RAD51B: variants seen among roughly 807,000 people sequenced by gnomAD.
RAD51B encodes the protein RAD51 paralog B, also known as DNA repair protein RAD51 homolog 2.
Under a neutral mutation model 42.2 loss-of-function variants are expected in RAD51B, and 38 were observed. That is an observed-to-expected ratio of 0.90 (90% CI 0.70 to 1.18). RAD51B has a LOEUF of 1.18. Ranked by LOEUF, RAD51B falls within the 50% of genes most tolerant of loss-of-function variation. RAD51B has a pLI of 0.00. For synonymous variants in RAD51B, 154 were observed against 145.2 expected (o/e 1.06, Z -0.43); for missense variants, 373 against 400.7 (o/e 0.93, Z 0.59).
At chr14:68,626,159 C>T (rs777103705) in intron 10 of RAD51B, among the ~76,000 whole-genome samples, 1 of 152,330 alleles carries the variant, frequency 6.6e-6, no homozygotes, top group African/African-American at 2.4e-5. Context: ...TGTCCACCAT[C>T]GGGCTGAGGA....
chr14:67,888,008 G>A (rs1278985512), intron 7 of RAD51B, among the ~76,000 whole-genome samples: 2 of 152,066 alleles, frequency 1.3e-5, no homozygotes, highest in East Asian at 1.9e-4. Context: ...ATAAAATTTG[G>A]TTATGATTTT....
chr14:68,676,048 C>G (rs767889636), intron 11 of RAD51B, among the ~76,000 whole-genome samples: 9 of 152,178 alleles, frequency 5.9e-5, no homozygotes, highest in Non-Finnish European at 1.3e-4. Context: ...ATCATTATTA[C>G]TATTATTTCA....
At chr14:67,871,978 A>G (rs2042550839) in intron 5 of RAD51B, among the ~76,000 whole-genome samples, 1 of 148,358 alleles carries the variant, frequency 6.7e-6, no homozygotes. Flanking sequence ...CACAGCCAAT[A>G]TCATACTGAA....
chr14:68,473,498 C>T (rs1882272151), intron 10 of RAD51B, among the ~76,000 whole-genome samples: 1 of 152,198 alleles, frequency 6.6e-6, no homozygotes. Context: ...TTTACATCCC[C>T]TCCCTCCATG....
chr14:68,287,687 T>C (rs1488495823), intron 7 of RAD51B, among the ~76,000 whole-genome samples: 1 of 152,230 alleles, frequency 6.6e-6, no homozygotes, highest in Non-Finnish European at 1.5e-5. Flanking sequence ...TTTGAACATA[T>C]TGACAGCAAA....
At chr14:68,134,939 G>A (rs1388724761) in intron 7 of RAD51B, among the ~76,000 whole-genome samples, 1 of 151,978 alleles carries the variant, frequency 6.6e-6, no homozygotes, top group Non-Finnish European at 1.5e-5. Flanking sequence ...TGATGAAGAT[G>A]ATTTTATGTT....
intron 10 of RAD51B, among the ~76,000 whole-genome samples, chr14:68,623,987 T>C (rs1892012292): frequency 6.6e-6 from 1 of 152,196 alleles, no homozygotes; most frequent in Non-Finnish European, 1.5e-5. Context: ...AACACTGGGC[T>C]CTAGCTTTGC....
intron 7 of RAD51B, among the ~76,000 whole-genome samples, chr14:68,082,472 G>A (rs1262688681): frequency 6.7e-6 from 1 of 149,292 alleles, no homozygotes; most frequent in Non-Finnish European, 1.5e-5. Context: ...ATAGGAGAAA[G>A]ATATATATAT....
chr14:68,022,636 GTC>G (rs2075885554), intron 7 of RAD51B, among the ~76,000 whole-genome samples: 2 of 151,740 alleles, frequency 1.3e-5, no homozygotes, highest in Admixed American at 1.3e-4. Context: ...TTGGCTGCTT[GTC>G]TCTCTTTTTT....
At chr14:68,153,286 A>T (rs567990979) in intron 7 of RAD51B, among the ~76,000 whole-genome samples, 4 of 152,170 alleles carry the variant, frequency 2.6e-5, no homozygotes, top group Non-Finnish European at 5.9e-5. Flanking sequence ...ATATATTTTG[A>T]TAATAAGAAA....
At chr14:68,624,324 G>A (rs1344078784) in intron 10 of RAD51B, among the ~76,000 whole-genome samples, 7 of 152,114 alleles carry the variant, frequency 4.6e-5, no homozygotes, top group Admixed American at 1.3e-4. Flanking sequence ...TCAGAAATAC[G>A]TCCCCAGCAT....
At chr14:68,277,110 C>T (rs548399738) in intron 7 of RAD51B, among the ~76,000 whole-genome samples, 3 of 152,300 alleles carry the variant, frequency 2.0e-5, no homozygotes, top group South Asian at 2.1e-4. Flanking sequence ...GTATGGGTTT[C>T]TCTCACTTCT....
chr14:68,253,457 A>T (rs2080685125), intron 7 of RAD51B, among the ~76,000 whole-genome samples: 1 of 152,270 alleles, frequency 6.6e-6, no homozygotes, highest in African/African-American at 2.4e-5. Flanking sequence ...TTATACAGTA[A>T]GGCTATTAAC....
At chr14:68,219,181 T>C (rs952315718) in intron 7 of RAD51B, among the ~76,000 whole-genome samples, 3 of 152,210 alleles carry the variant, frequency 2.0e-5, no homozygotes, top group African/African-American at 4.8e-5. Context: ...ACAGGAGAAT[T>C]TGATAATTTT....
chr14:68,368,533 G>A (rs1339417612), intron 8 of RAD51B, among the ~76,000 whole-genome samples: 3 of 152,192 alleles, frequency 2.0e-5, no homozygotes, highest in Non-Finnish European at 4.4e-5. Context: ...GCTAGAGAGG[G>A]CAAATTGATT....
At chr14:67,846,788 G>A (rs79941172) in intron 4 of RAD51B, among the ~76,000 whole-genome samples, 6,054 of 152,206 alleles carry the variant, frequency 0.04, 320 homozygotes, top group African/African-American at 0.12. Context: ...AGATTTGACA[G>A]TTCTCCTAAG....
chr14:68,417,908 A>G (rs536128047), intron 9 of RAD51B, among the ~76,000 whole-genome samples: 3 of 152,228 alleles, frequency 2.0e-5, no homozygotes, highest in Non-Finnish European at 4.4e-5. Context: ...CTGAAAATAC[A>G]CAGGTACAAT....
At chr14:68,089,041 G>C (rs1262395571) in intron 7 of RAD51B, among the ~76,000 whole-genome samples, 1 of 152,064 alleles carries the variant, frequency 6.6e-6, no homozygotes, top group Non-Finnish European at 1.5e-5. Context: ...ATCATTTTCT[G>C]CTTTTCATGA....
At chr14:68,122,035 G>A (rs1786214304) in intron 7 of RAD51B, among the ~76,000 whole-genome samples, 1 of 151,820 alleles carries the variant, frequency 6.6e-6, no homozygotes, top group African/African-American at 2.4e-5. Flanking sequence ...TTACCATTAG[G>A]CAAAGAAATG....
Sources: gnomAD v4.1 joint callset for allele counts (sites outside exome capture counted in the v4.1 genomes callset) on GRCh38, gnomAD v4.1.1 for gene constraint, MANE v1.5 for transcripts, NCBI Gene and HGNC (gene_info 2026-07-23, HGNC 2026-07-21) for gene names.